Variants in DYRK1A observed in about 807,000 individuals in gnomAD.
The protein encoded by DYRK1A is dual specificity tyrosine-phosphorylation-regulated kinase 1A.
DYRK1A carries 9 observed loss-of-function variants against 79.7 expected under a neutral mutation model. The ratio of observed to expected loss-of-function variants is 0.11; its 90% CI spans 0.07 to 0.20. The LOEUF (loss-of-function observed/expected upper bound fraction) is 0.20, where lower values mean the gene tolerates loss of function less well. DYRK1A is among the 10% of genes least tolerant of loss of function. The pLI, the probability that DYRK1A is intolerant of heterozygous loss-of-function variation, is 1.00. For missense variants in DYRK1A, 622 were observed against 956.0 expected, an observed-to-expected ratio of 0.65 and a Z score of 4.61; for synonymous variants, 349 against 329.7, an observed-to-expected ratio of 1.06 and a Z score of -0.63.
At chr21:37,501,012 G>A (rs2053427669) in intron 9 of DYRK1A, among the ~76,000 whole-genome samples, 1 of 149,390 alleles carries the variant, frequency 6.7e-6, no homozygotes, top group Non-Finnish European at 1.5e-5. Context: ...TACTTGGGTT[G>A]AATTTACTCC....
chr21:37,525,673 G>C lies in DYRK1A; in HGVS notation c.*13142G>C, dbSNP rs1383101848. The C allele has an allele frequency of 6.6e-6, 1 of 152,198 alleles. No individual in the cohort carries two copies. The highest frequency in any genetic ancestry group is 1.5e-5 in the Non-Finnish European group (1 of 68,022). 9.4% of individuals were successfully genotyped at this position (152,198 alleles called of 1,614,324 possible). A position where few individuals can be genotyped will look rare whatever the true frequency, so the allele number is the denominator to read the frequency against. On this transcript the variant is annotated 3_prime_UTR_variant, in exon 12 of 12. Transcript: ENST00000647188. The stretch of plus-strand genomic sequence containing the variant: ...AACAGATACTTTGTGAGAAATATTT[G>C]AATCTATCATGCATTATTGAACCAG...
At chr21:37,409,029 G>A (rs956643236) in intron 1 of DYRK1A, among the ~76,000 whole-genome samples, 4 of 152,102 alleles carry the variant, frequency 2.6e-5, no homozygotes, top group African/African-American at 7.2e-5. Flanking sequence ...GGAAGCTCTG[G>A]GGGAGACAGC....
chr21:37,505,225 G>A lies in DYRK1A; in HGVS notation c.1213-58G>A, dbSNP rs184583422. The A allele has an allele frequency of 7.4e-5, 98 of 1,323,220 alleles. No homozygotes were observed. The African/African-American group carries it at 1.3e-3, about 17-fold the overall frequency. 82.0% of individuals were successfully genotyped at this position (1,323,220 alleles called of 1,614,324 possible). Reference sequence around the variant, plus strand: ...TTAAACATATTTGAAATTCAATTATGTGAGTGTTTACGTATTCCACCAAAT... The same window carrying A: ...TTAAACATATTTGAAATTCAATTATATGAGTGTTTACGTATTCCACCAAAT... On this transcript the variant is annotated intron_variant, in intron 9 of 11. Coordinates refer to ENST00000647188, the MANE Select transcript of DYRK1A (RefSeq NM_001347721.2).
At chr21:37,488,985 G>A (rs1007870285) in intron 6 of DYRK1A, 1 of 453,932 alleles carries the variant, frequency 2.2e-6, no homozygotes, top group Non-Finnish European at 2.9e-6. Context: ...GAGTTGTGCT[G>A]TAGACTCCTA....
At chr21:37,426,005 G>C (rs914966624) in intron 2 of DYRK1A, among the ~76,000 whole-genome samples, 1 of 152,160 alleles carries the variant, frequency 6.6e-6, no homozygotes, top group Non-Finnish European at 1.5e-5. Context: ...AGTTCTGAAG[G>C]GGGGTTAGAG....
chr21:37,479,076 A>G (rs1198405005), intron 4 of DYRK1A, among the ~76,000 whole-genome samples: 1 of 152,142 alleles, frequency 6.6e-6, no homozygotes, highest in Non-Finnish European at 1.5e-5. Flanking sequence ...GCACCCTTTC[A>G]TGTTGAAGGC....
At chr21:37,389,224 T>A (rs1433407955) in intron 1 of DYRK1A, among the ~76,000 whole-genome samples, 1 of 151,744 alleles carries the variant, frequency 6.6e-6, no homozygotes, top group African/African-American at 2.4e-5. Flanking sequence ...TATATATATA[T>A]AAACAAATAC....
intron 1 of DYRK1A, among the ~76,000 whole-genome samples, chr21:37,375,883 A>G (rs148625389): frequency 3.7e-4 from 57 of 152,190 alleles, no homozygotes; most frequent in Non-Finnish European, 6.9e-4. Context: ...ATCTAGCCTG[A>G]AAACCCATAG....
chr21:37,441,962 G>GTTTT (rs34848736), intron 2 of DYRK1A, among the ~76,000 whole-genome samples: 1 of 139,976 alleles, frequency 7.1e-6, no homozygotes, highest in Non-Finnish European at 1.5e-5. Flanking sequence ...TTATTTTGCT[G>GTTTT]TTTTTTTTTT....
At chr21:37,447,632 A>T (rs1443503142) in intron 2 of DYRK1A, among the ~76,000 whole-genome samples, 2 of 151,934 alleles carry the variant, frequency 1.3e-5, no homozygotes, top group Non-Finnish European at 2.9e-5. Context: ...AAGCTTGCTG[A>T]CCCCTGCTCA....
rs1381886146 is a variant in DYRK1A at position 37,490,738 on chromosome 21, C to T, written c.924+277C>T. ...GTTGATATCTATTTTGGGGAAATAC[C>T]TTTTAAAATGCAAATAGCAATACTT... On this transcript the variant is annotated intron_variant, in intron 7 of 11. Coordinates refer to ENST00000647188, the MANE Select transcript of DYRK1A (RefSeq NM_001347721.2). Among the ~76,000 whole-genome samples the T allele has an allele frequency of 4.6e-5, 7 of 151,478 alleles. No homozygotes were observed. The South Asian group carries it at 1.2e-3, about 27-fold the overall frequency.
chr21:37,377,656 A>G (rs1294437100), intron 1 of DYRK1A, among the ~76,000 whole-genome samples: 1 of 151,962 alleles, frequency 6.6e-6, no homozygotes, highest in East Asian at 1.9e-4. Context: ...TTTTGTTGAG[A>G]CATAGTCTTG....
intron 1 of DYRK1A, among the ~76,000 whole-genome samples, chr21:37,411,100 G>A (rs2050235969): frequency 1.4e-5 from 2 of 138,390 alleles, no homozygotes; most frequent in Admixed American, 7.6e-5. Flanking sequence ...GCTCACACCT[G>A]TAATCCCAGC....
chr21:37,510,343 T>C (rs941183419), intron 11 of DYRK1A, among the ~76,000 whole-genome samples: 8 of 152,234 alleles, frequency 5.3e-5, no homozygotes, highest in Admixed American at 5.2e-4. Flanking sequence ...TTGTTTTCAG[T>C]AGTATCTCTT....
Position 37,486,463 on chromosome 21 carries a change from T to A in DYRK1A, c.490-4T>A. On this transcript the variant is annotated splice_region_variant and splice_polypyrimidine_tract_variant and intron_variant, in intron 5 of 11. Transcript: ENST00000647188. Reference sequence around the variant, plus strand: ...AATAGAGAATTATTCATCTTCTCTTTTAGGTTGTAAAGGCATATGATCGTG... The same window carrying A: ...AATAGAGAATTATTCATCTTCTCTTATAGGTTGTAAAGGCATATGATCGTG... 6.8e-7 allele frequency: 1 copy of A among 1,472,706 alleles called. No individual in the cohort carries two copies. Among genetic ancestry groups the A allele is most frequent in the Non-Finnish European group, 9.0e-7 (1 of 1,111,358 alleles). The allele number at this position is 1,472,706 out of a possible 1,614,324, so 91.2% of individuals were successfully genotyped here. A position where few individuals can be genotyped will look rare whatever the true frequency, so the allele number is the denominator to read the frequency against.
At chr21:37,422,729 A>T (rs2050509808) in intron 2 of DYRK1A, among the ~76,000 whole-genome samples, 1 of 152,234 alleles carries the variant, frequency 6.6e-6, no homozygotes, top group Non-Finnish European at 1.5e-5. Flanking sequence ...CATTTTGTAT[A>T]TGTGTATCAA....
At chr21:37,366,338 G>A (rs987115198), upstream of DYRK1A, among the ~76,000 whole-genome samples, 1 of 144,976 alleles carries the variant, frequency 6.9e-6, no homozygotes, top group African/African-American at 2.5e-5. Context: ...CGGAAGCGCG[G>A]GGCGCTAGGG....
intron 9 of DYRK1A, chr21:37,503,013 A>C (rs867321605): frequency 6.6e-6 from 1 of 152,170 alleles, no homozygotes; most frequent in East Asian, 1.9e-4. Context: ...GTTCCCCTGC[A>C]TATAATATTT....
Position 37,512,093 on chromosome 21 carries a change from C to T in DYRK1A, c.1827C>T (p.His609=), listed in dbSNP as rs764279727. The T allele has an allele frequency of 1.2e-6, 2 of 1,614,016 alleles. No individual in the cohort carries two copies. The highest frequency in any genetic ancestry group is 2.7e-5 in the African/African-American group (2 of 74,902). ...HHHHHHHHHH[H]HGQQALGNRT... ...ACCACCACCACCACCATCACCACCA[C>T]CATGGACAACAAGCCTTGGGTAACC... Residue 609 remains histidine, a synonymous_variant, in exon 12 of 12, where the codon CAC becomes CAT. Transcript: ENST00000647188.
Sources: gnomAD v4.1 joint callset for allele counts (sites outside exome capture counted in the v4.1 genomes callset) on GRCh38, gnomAD v4.1.1 for gene constraint, MANE v1.5 for transcripts, NCBI Gene and HGNC (gene_info 2026-07-23, HGNC 2026-07-21) for gene names.